ST6GALNAC5: variants seen among roughly 807,000 people sequenced by gnomAD.
The protein encoded by ST6GALNAC5 is ST6 N-acetylgalactosaminide alpha-2,6-sialyltransferase 5.
ST6GALNAC5 carries 27 observed loss-of-function variants against 33.6 expected under a neutral mutation model. The ratio of observed to expected loss-of-function variants is 0.80; its 90% CI spans 0.59 to 1.11. ST6GALNAC5 has a LOEUF of 1.11. ST6GALNAC5 is among the 50% of genes least tolerant of loss of function. The pLI is 0.00. For synonymous variants in ST6GALNAC5, 194 were observed against 171.2 expected (o/e 1.13, Z -1.04); for missense variants, 428 against 454.0 (o/e 0.94, Z 0.52).
rs1310557543 is a variant in ST6GALNAC5, at chr1:76,992,361, G to A, written c.262-51843G>A. 2.0e-5 allele frequency among the ~76,000 whole-genome samples: 3 copies of A among 152,230 alleles called. No homozygotes were observed. The East Asian group carries it at 5.8e-4, about 29-fold the overall frequency. On this transcript the variant is annotated intron_variant, in intron 2 of 4. Coordinates refer to ENST00000477717, the MANE Select transcript of ST6GALNAC5 (RefSeq NM_030965.3). ...ATCTGCTGCCACCACCTTCACATAG[G>A]TTCTCAGTGTCTTCCTCCTATAGCA...
chr1:76,914,328 T>C (rs1271444464), intron 2 of ST6GALNAC5, among the ~76,000 whole-genome samples: 1 of 152,102 alleles, frequency 6.6e-6, no homozygotes, highest in Non-Finnish European at 1.5e-5. Context: ...TTCACAGAAT[T>C]GGAAAAAACT....
intron 3 of ST6GALNAC5, among the ~76,000 whole-genome samples, chr1:77,047,268 T>C (rs1652050543): frequency 6.6e-6 from 1 of 152,256 alleles, no homozygotes; most frequent in Non-Finnish European, 1.5e-5. Context: ...TCTTTACCTG[T>C]AGCCTGCTCC....
rs965768851 is a variant in ST6GALNAC5, at chr1:77,063,405, A to G, written c.*199A>G. 99 of 585,074 alleles carry G rather than the reference A, an allele frequency of 1.7e-4. No individual in the cohort carries two copies. Among genetic ancestry groups the G allele is most frequent in the Non-Finnish European group, 2.6e-4 (86 of 327,700 alleles). The allele number at this position is 585,074 out of a possible 1,614,324, so 36.2% of individuals were successfully genotyped here. ...AAAAATTCCGGAATTAATGCATCCTAATGAATGTTGTCCCCTTCAATGGTG... is the reference window on the plus strand; with the variant it reads ...AAAAATTCCGGAATTAATGCATCCTGATGAATGTTGTCCCCTTCAATGGTG... On this transcript the variant is annotated 3_prime_UTR_variant, in exon 5 of 5. Transcript: ENST00000477717.
At chr1:77,057,913 C>T (rs988310248) in intron 4 of ST6GALNAC5, among the ~76,000 whole-genome samples, 2 of 152,142 alleles carry the variant, frequency 1.3e-5, no homozygotes, top group Non-Finnish European at 2.9e-5. Flanking sequence ...ACATTACAAA[C>T]CCCTGTTGCC....
Position 77,044,559 on chromosome 1 carries a change from G to T in ST6GALNAC5, c.617G>T (p.Arg206Leu), listed in dbSNP as rs145379056. 3 of 1,592,270 alleles carry T rather than the reference G, an allele frequency of 1.9e-6. No homozygotes were observed. Among genetic ancestry groups the T allele is most frequent in the Non-Finnish European group, 2.6e-6 (3 of 1,167,708 alleles). The change falls in exon 3 of 5, where the codon CGC becomes CTC. Residue 206 changes from arginine to leucine, a missense_variant. Coordinates refer to ENST00000477717, the MANE Select transcript of ST6GALNAC5 (RefSeq NM_030965.3). ...CGGCTGAAGGCCTTCATGATTACTC[G>T]CCACAAGATGCTGCAGTTTGATGAG... ...LPRLKAFMIT[R>L]HKMLQFDELF...
At chr1:77,002,223 G>A (rs1650199593) in intron 2 of ST6GALNAC5, among the ~76,000 whole-genome samples, 1 of 152,202 alleles carries the variant, frequency 6.6e-6, no homozygotes, top group African/African-American at 2.4e-5. Flanking sequence ...TCTTGGGAGA[G>A]TGTATGTGTC....
intron 2 of ST6GALNAC5, among the ~76,000 whole-genome samples, chr1:77,013,774 G>T (rs1439946272): frequency 6.6e-6 from 1 of 152,240 alleles, no homozygotes; most frequent in Non-Finnish European, 1.5e-5. Flanking sequence ...GCTCCTGGAA[G>T]TCGGATGGCC....
At chr1:76,969,957 G>A (rs149198135) in intron 2 of ST6GALNAC5, among the ~76,000 whole-genome samples, 7 of 152,068 alleles carry the variant, frequency 4.6e-5, no homozygotes, top group African/African-American at 1.7e-4. Flanking sequence ...GCGGATGACT[G>A]TTAGAAGGAA....
chr1:76,894,728 A>C (rs1654088285), intron 2 of ST6GALNAC5, among the ~76,000 whole-genome samples: 1 of 152,194 alleles, frequency 6.6e-6, no homozygotes, highest in African/African-American at 2.4e-5. Context: ...GGTATGTAGT[A>C]AAAGTGGATA....
At chr1:77,007,269 T>C (rs1184989878) in intron 2 of ST6GALNAC5, among the ~76,000 whole-genome samples, 1 of 152,208 alleles carries the variant, frequency 6.6e-6, no homozygotes, top group Non-Finnish European at 1.5e-5. Flanking sequence ...AATAAATCTG[T>C]GAATGGAGCA....
chr1:77,015,608 A>G (rs1276958964), intron 2 of ST6GALNAC5, among the ~76,000 whole-genome samples: 2 of 152,144 alleles, frequency 1.3e-5, no homozygotes, highest in African/African-American at 4.8e-5. Flanking sequence ...ATGCAGGCAA[A>G]AATGATACAA....
At chr1:76,987,389 A>G (rs186813427) in intron 2 of ST6GALNAC5, among the ~76,000 whole-genome samples, 1 of 152,288 alleles carries the variant, frequency 6.6e-6, no homozygotes, top group Admixed American at 6.5e-5. Flanking sequence ...TCACAGTGAG[A>G]TATCATTTGA....
At chr1:76,952,416 C>T (rs955444556) in intron 2 of ST6GALNAC5, among the ~76,000 whole-genome samples, 10 of 152,070 alleles carry the variant, frequency 6.6e-5, no homozygotes, top group Non-Finnish European at 1.0e-4. Context: ...TAGATGAGGT[C>T]ACAAGTGTGG....
intron 2 of ST6GALNAC5, among the ~76,000 whole-genome samples, chr1:76,980,279 G>A (rs999761003): frequency 1.3e-5 from 2 of 152,092 alleles, no homozygotes; most frequent in African/African-American, 2.4e-5. Context: ...TCTGAGCTAA[G>A]AGTTGTCATA....
intron 2 of ST6GALNAC5, among the ~76,000 whole-genome samples, chr1:76,960,189 G>A (rs1284881044): frequency 1.3e-5 from 2 of 152,092 alleles, no homozygotes; most frequent in Non-Finnish European, 2.9e-5. Flanking sequence ...GTGTCAGTCG[G>A]TCTGAGAAAT....
chr1:76,918,715 G>T (rs1178845169), intron 2 of ST6GALNAC5, among the ~76,000 whole-genome samples: 1 of 151,810 alleles, frequency 6.6e-6, no homozygotes, highest in Admixed American at 6.6e-5. Flanking sequence ...GCCAGATTTG[G>T]GTACTTTGAT....
At chr1:77,048,429 G>A (rs1029037594) in intron 3 of ST6GALNAC5, among the ~76,000 whole-genome samples, 2 of 152,186 alleles carry the variant, frequency 1.3e-5, no homozygotes, top group Admixed American at 6.5e-5. Context: ...GCAGCCCATA[G>A]GTGAAAACAG....
chr1:76,926,246 A>G (rs2100303142), intron 2 of ST6GALNAC5, among the ~76,000 whole-genome samples: 1 of 152,314 alleles, frequency 6.6e-6, no homozygotes, highest in Non-Finnish European at 1.5e-5. Context: ...TAATTCCACT[A>G]TCAAGTGTGA....
chr1:76,871,174 T>C (rs534943786), intron 2 of ST6GALNAC5: 2 of 152,352 alleles, frequency 1.3e-5, no homozygotes, highest in South Asian at 4.1e-4. Flanking sequence ...TTTTTCCAAT[T>C]ATGACAGGGG....
Sources: gnomAD v4.1 joint callset for allele counts (sites outside exome capture counted in the v4.1 genomes callset) on GRCh38, gnomAD v4.1.1 for gene constraint, MANE v1.5 for transcripts, NCBI Gene and HGNC (gene_info 2026-07-23, HGNC 2026-07-21) for gene names.